The following ARHGAP44 variants were observed in gnomAD, a reference collection of about 807,000 sequenced individuals.
ARHGAP44 encodes rho GTPase-activating protein 44.
Under a neutral mutation model 106.8 loss-of-function variants are expected in ARHGAP44, and 43 were observed. The ratio of observed to expected loss-of-function variants is 0.40; its 90% CI spans 0.32 to 0.52. ARHGAP44 has a LOEUF of 0.52. Among genes scored for constraint, ARHGAP44 ranks in the 20% least tolerant of loss-of-function variants. The pLI is 0.48. For missense variants in ARHGAP44, 866 were observed against 1,050.5 expected, an observed-to-expected ratio of 0.82 and a Z score of 2.43; for synonymous variants, 439 against 410.3, an observed-to-expected ratio of 1.07 and a Z score of -0.85.
At chr17:12,899,407 GA>G (rs1214558210) in intron 3 of ARHGAP44, among the ~76,000 whole-genome samples, 1 of 152,144 alleles carries the variant, frequency 6.6e-6, no homozygotes, top group Non-Finnish European at 1.5e-5. Context: ...AGAACTGTGG[GA>G]AAAAAATTTC....
At chr17:12,927,138 T>C (rs2038271449) in intron 6 of ARHGAP44, among the ~76,000 whole-genome samples, 1 of 152,238 alleles carries the variant, frequency 6.6e-6, no homozygotes, top group Non-Finnish European at 1.5e-5. Context: ...ATTTCCTTTC[T>C]AGTTTGCCCT....
intron 1 of ARHGAP44, among the ~76,000 whole-genome samples, chr17:12,828,787 G>A (rs941454691): frequency 5.9e-5 from 9 of 151,486 alleles, no homozygotes; most frequent in Non-Finnish European, 1.0e-4. Context: ...GACTACAGGC[G>A]TCCGCCACCA....
In ARHGAP44 at chr17:12,926,517, CAT is replaced by C. The variant is rs1178528110; in HGVS notation, c.465-2405_465-2404del. Among the ~76,000 whole-genome samples the C allele has an allele frequency of 1.2e-3, 174 of 140,310 alleles. 1 individual carries two copies. Among genetic ancestry groups the C allele is most frequent in the Middle Eastern group, 3.8e-3 (1 of 262 alleles). The allele number at this position is 140,310 out of a possible 152,430, so 92.0% of individuals were successfully genotyped here. On this transcript the variant is annotated intron_variant, in intron 6 of 20. Transcript: ENST00000379672. Reference sequence around the variant, plus strand: ...AATATATGTATATATATTATATATGCATATATATTATACATACATATATATTA... The same window carrying C: ...AATATATGTATATATATTATATATGCATATATTATACATACATATATATTA...
At chr17:12,851,096 G>T (rs2035726435) in intron 1 of ARHGAP44, among the ~76,000 whole-genome samples, 2 of 152,304 alleles carry the variant, frequency 1.3e-5, no homozygotes, top group South Asian at 4.1e-4. Flanking sequence ...AGCATCAGCA[G>T]AATGTGACTT....
chr17:12,957,027 C>T (rs575582295), intron 15 of ARHGAP44, among the ~76,000 whole-genome samples: 14 of 152,196 alleles, frequency 9.2e-5, no homozygotes, highest in African/African-American at 2.9e-4. Context: ...TCCGGCTCAT[C>T]GCATCCTCTG....
At chr17:12,973,646 G>GC (rs1567717758) in intron 17 of ARHGAP44, 1 of 487,804 alleles carries the variant, frequency 2.0e-6, no homozygotes, top group African/African-American at 2.0e-5. Flanking sequence ...TCAGTTCCAC[G>GC]CTCCCCCCTT....
At chr17:12,840,938 G>GGTC (rs1195843875) in intron 1 of ARHGAP44, among the ~76,000 whole-genome samples, 1 of 152,002 alleles carries the variant, frequency 6.6e-6, no homozygotes, top group East Asian at 1.9e-4. Flanking sequence ...AGTTCTTAGG[G>GGTC]GTCGGTTCCC....
chr17:12,922,054 T>C (rs2150958128), intron 6 of ARHGAP44, among the ~76,000 whole-genome samples: 1 of 152,336 alleles, frequency 6.6e-6, no homozygotes, highest in Middle Eastern at 3.4e-3. Flanking sequence ...TGATTACTTT[T>C]TCAAAATAAA....
chr17:12,906,138 C>A (rs1455084319), intron 3 of ARHGAP44, among the ~76,000 whole-genome samples: 1 of 152,184 alleles, frequency 6.6e-6, no homozygotes, highest in African/African-American at 2.4e-5. Context: ...TGGTTGAGAA[C>A]CAATACCTTA....
intron 1 of ARHGAP44, among the ~76,000 whole-genome samples, chr17:12,885,306 A>G (rs2036849837): frequency 6.6e-6 from 1 of 150,930 alleles, no homozygotes; most frequent in African/African-American, 2.5e-5. Flanking sequence ...ATAAAGCTCT[A>G]TGGACATTCA....
At chr17:12,962,080 A>AAAT (rs1555564139) in intron 16 of ARHGAP44, among the ~76,000 whole-genome samples, 14 of 150,390 alleles carry the variant, frequency 9.3e-5, no homozygotes, top group African/African-American at 2.9e-4. Context: ...GTTAAAAAAA[A>AAAT]ATATATATAT....
chr17:12,973,837 C>T, intron 17 of ARHGAP44: 2 of 576,316 alleles, frequency 3.5e-6, no homozygotes, highest in Non-Finnish European at 6.2e-6. Flanking sequence ...GCGCTGCCGA[C>T]TGTGCCCTGC....
chr17:12,959,920 A>G (rs2039217968), intron 16 of ARHGAP44, among the ~76,000 whole-genome samples: 1 of 152,238 alleles, frequency 6.6e-6, no homozygotes, highest in South Asian at 2.1e-4. Flanking sequence ...GAAAAGGCCC[A>G]TGGCCTAAAG....
At chr17:12,902,436 T>G (rs916026278) in intron 3 of ARHGAP44, among the ~76,000 whole-genome samples, 3 of 152,210 alleles carry the variant, frequency 2.0e-5, no homozygotes, top group African/African-American at 7.2e-5. Context: ...CCTATTTTAT[T>G]TTCTTCATAG....
At chr17:12,961,657 C>T (rs1411803732) in intron 16 of ARHGAP44, among the ~76,000 whole-genome samples, 2 of 152,092 alleles carry the variant, frequency 1.3e-5, no homozygotes, top group African/African-American at 2.4e-5. Flanking sequence ...TTGCTTGAAC[C>T]TGGGAGGTGG....
At chr17:12,939,454 CTTCT>C (rs1476720148) in intron 7 of ARHGAP44, among the ~76,000 whole-genome samples, 1 of 151,888 alleles carries the variant, frequency 6.6e-6, no homozygotes, top group Non-Finnish European at 1.5e-5. Flanking sequence ...TGAATGTTAA[CTTCT>C]TTATTTTTTA....
chr17:12,918,355 G>A (rs962960458), intron 5 of ARHGAP44, among the ~76,000 whole-genome samples: 1 of 152,102 alleles, frequency 6.6e-6, no homozygotes, highest in Non-Finnish European at 1.5e-5. Flanking sequence ...GATTCTCCTC[G>A]AATTTTTTCC....
intron 6 of ARHGAP44, 124 bp from the exon 7 acceptor site, chr17:12,928,805 C>T (rs1438319776): frequency 2.5e-6 from 2 of 789,136 alleles, no homozygotes; most frequent in South Asian, 3.6e-5. Flanking sequence ...TCATGACCTC[C>T]CTTTTCCAGT....
At chr17:12,868,208 G>C (rs2036290568) in intron 1 of ARHGAP44, among the ~76,000 whole-genome samples, 2 of 152,080 alleles carry the variant, frequency 1.3e-5, no homozygotes, top group Admixed American at 1.3e-4. Context: ...TCTTCTCTCT[G>C]CGTCTTCATA....
Sources: allele counts gnomAD v4.1 joint callset (sites outside exome capture counted in the v4.1 genomes callset), GRCh38; gene constraint gnomAD v4.1.1; transcripts MANE v1.5; gene names NCBI Gene and HGNC (gene_info 2026-07-23, HGNC 2026-07-21).